The following MAP3K13 variants were observed in gnomAD, a reference collection of about 807,000 sequenced individuals.
The protein encoded by MAP3K13 is leucine zipper-bearing kinase.
In MAP3K13, 52 loss-of-function variants were observed where a neutral mutation model predicts 104.0. The observed-to-expected ratio is 0.50, with a 90% CI of 0.40 to 0.63. MAP3K13 has a LOEUF of 0.63. Ranked by LOEUF, MAP3K13 falls within the 20% of genes least tolerant of loss-of-function variation. MAP3K13 has a pLI of 0.00. For synonymous variants in MAP3K13, 394 were observed against 442.2 expected, an observed-to-expected ratio of 0.89 and a Z score of 1.37; for missense variants, 914 against 1,218.5, an observed-to-expected ratio of 0.75 and a Z score of 3.72.
At chr3:185,454,881 ATGAT>A (rs1345123192) in intron 7 of MAP3K13, among the ~76,000 whole-genome samples, 1 of 58,220 alleles carries the variant, frequency 1.7e-5, no homozygotes, top group Non-Finnish European at 3.7e-5. Context: ...AGATATATAT[ATGAT>A]ATATATATGA....
chr3:185,391,359 AT>A (rs1560080701), intron 1 of MAP3K13, among the ~76,000 whole-genome samples: 1 of 152,232 alleles, frequency 6.6e-6, no homozygotes. Flanking sequence ...TTCACTTAGC[AT>A]AATGTCTTCA....
At chr3:185,298,047 C>T (rs909980477) in intron 2 of MAP3K13, among the ~76,000 whole-genome samples, 1 of 151,340 alleles carries the variant, frequency 6.6e-6, no homozygotes, top group Non-Finnish European at 1.5e-5. Flanking sequence ...GGGAACGTGG[C>T]GACGGACTAC....
chr3:185,293,694 G>T (rs1477484322), intron 2 of MAP3K13, among the ~76,000 whole-genome samples: 1 of 152,112 alleles, frequency 6.6e-6, no homozygotes, highest in Non-Finnish European at 1.5e-5. Context: ...CAAAGTGCTG[G>T]GATTACAGAC....
intron 2 of MAP3K13, among the ~76,000 whole-genome samples, chr3:185,349,300 T>G (rs1723051039): frequency 6.6e-6 from 1 of 152,164 alleles, no homozygotes; most frequent in South Asian, 2.1e-4. Flanking sequence ...TCAATGTCTC[T>G]TATTTCCATC....
intron 3 of MAP3K13, among the ~76,000 whole-genome samples, chr3:185,440,115 C>G (rs1314860427): frequency 6.6e-6 from 1 of 152,160 alleles, no homozygotes; most frequent in Non-Finnish European, 1.5e-5. Flanking sequence ...GATAAGAATG[C>G]TATACTCTTT....
chr3:185,486,201 T>C lies in MAP3K13; in HGVS notation c.*3745T>C, dbSNP rs1718708453. 6.6e-6 allele frequency: 1 copy of C among 152,032 alleles called. No homozygotes were observed. The highest frequency in any genetic ancestry group is 2.1e-4 in the South Asian group (1 of 4,810). 9.4% of individuals were successfully genotyped at this position (152,032 alleles called of 1,614,324 possible). On this transcript the variant is annotated 3_prime_UTR_variant, in exon 14 of 14. Coordinates refer to ENST00000265026, the MANE Select transcript of MAP3K13 (RefSeq NM_004721.5). ...CCTGATACCTCGTAATTTTGATCAGTTTTTTTTGAATTCTCATCTTGATTA... is the reference window on the plus strand; with the variant it reads ...CCTGATACCTCGTAATTTTGATCAGCTTTTTTTGAATTCTCATCTTGATTA...
At chr3:185,467,714 C>T (rs1195934483) in intron 10 of MAP3K13, among the ~76,000 whole-genome samples, 7 of 146,818 alleles carry the variant, frequency 4.8e-5, no homozygotes, top group East Asian at 4.0e-4. Context: ...ACCAGGGAGT[C>T]GGAGGTTGCA....
intron 2 of MAP3K13, among the ~76,000 whole-genome samples, chr3:185,336,320 T>G (rs573273478): frequency 6.6e-6 from 1 of 152,042 alleles, no homozygotes; most frequent in Non-Finnish European, 1.5e-5. Flanking sequence ...GGTGGGCAGA[T>G]AGCTTGAGGT....
chr3:185,295,287 C>T (rs1053780802), intron 2 of MAP3K13, among the ~76,000 whole-genome samples: 11 of 152,146 alleles, frequency 7.2e-5, no homozygotes, highest in African/African-American at 2.2e-4. Context: ...CTCACTGCAA[C>T]CTCCGCCTCC....
intron 1 of MAP3K13, among the ~76,000 whole-genome samples, chr3:185,374,170 G>T (rs1724304951): frequency 6.6e-6 from 1 of 152,050 alleles, no homozygotes; most frequent in Non-Finnish European, 1.5e-5. Context: ...GTTACTTCAG[G>T]CCATCTAGAT....
intron 2 of MAP3K13, among the ~76,000 whole-genome samples, chr3:185,295,127 C>T (rs1720873193): frequency 6.6e-6 from 1 of 152,160 alleles, no homozygotes; most frequent in South Asian, 2.1e-4. Flanking sequence ...GTCTACTAAG[C>T]TCAAGCCATA....
chr3:185,328,376 A>G (rs951814675), intron 2 of MAP3K13, among the ~76,000 whole-genome samples: 4 of 152,156 alleles, frequency 2.6e-5, no homozygotes, highest in African/African-American at 7.2e-5. Flanking sequence ...CAGCCTCCCG[A>G]GTAGCTGGGA....
At chr3:185,411,498 T>C (rs1713444497) in intron 1 of MAP3K13, among the ~76,000 whole-genome samples, 1 of 152,228 alleles carries the variant, frequency 6.6e-6, no homozygotes, top group Non-Finnish European at 1.5e-5. Context: ...TTGAGAGCTA[T>C]GAAATTGACA....
intron 2 of MAP3K13, chr3:185,291,470 TG>T: frequency 3.6e-6 from 3 of 822,400 alleles, no homozygotes. Context: ...TCCTTTTCTT[TG>T]TTTTTGATTT....
At chr3:185,396,751 TGA>T (rs1712448548) in intron 1 of MAP3K13, among the ~76,000 whole-genome samples, 1 of 152,188 alleles carries the variant, frequency 6.6e-6, no homozygotes, top group African/African-American at 2.4e-5. Flanking sequence ...GAGCTGACTG[TGA>T]TCCTCTTCCC....
chr3:185,437,096 T>C (rs1189121947), intron 2 of MAP3K13, among the ~76,000 whole-genome samples: 1 of 141,192 alleles, frequency 7.1e-6, no homozygotes, highest in East Asian at 2.1e-4. Flanking sequence ...ACACCGATAG[T>C]GGGTGATGGG....
At position 185,486,214 on chromosome 3, in the gene MAP3K13, C is replaced by A. The variant is rs1718709008; in HGVS notation, c.*3758C>A. 6.6e-6 allele frequency: 1 copy of A among 152,070 alleles called. No homozygotes were observed. The highest frequency in any genetic ancestry group is 1.5e-5 in the Non-Finnish European group (1 of 68,012). 9.4% of individuals were successfully genotyped at this position (152,070 alleles called of 1,614,324 possible). On this transcript the variant is annotated 3_prime_UTR_variant, in exon 14 of 14. Coordinates refer to ENST00000265026, the MANE Select transcript of MAP3K13 (RefSeq NM_004721.5). Reference sequence around the variant, plus strand: ...AATTTTGATCAGTTTTTTTTGAATTCTCATCTTGATTATCTGTTATGCTAT... The same window carrying A: ...AATTTTGATCAGTTTTTTTTGAATTATCATCTTGATTATCTGTTATGCTAT...
intron 7 of MAP3K13, among the ~76,000 whole-genome samples, chr3:185,460,601 C>A (rs1717043200): frequency 6.6e-6 from 1 of 152,170 alleles, no homozygotes; most frequent in Admixed American, 6.5e-5. Flanking sequence ...GGCTGAATTG[C>A]AGATTAAGCT....
chr3:185,451,410 T>G lies in MAP3K13; in HGVS notation c.1278+15T>G, dbSNP rs1322209627. The G allele has an allele frequency of 1.9e-6, 3 of 1,563,780 alleles. No homozygotes were observed. Among genetic ancestry groups the G allele is most frequent in the Non-Finnish European group, 2.6e-6 (3 of 1,134,112 alleles). ...TCAAGTCTCAGGTAAGTTGGGAAAC[T>G]TCCTACCAGGTGCTACTAAACAGAT... On this transcript the variant is annotated intron_variant, in intron 7 of 13. Coordinates refer to ENST00000265026, the MANE Select transcript of MAP3K13 (RefSeq NM_004721.5).
Sources: gnomAD v4.1 joint callset for allele counts (sites outside exome capture counted in the v4.1 genomes callset) on GRCh38, gnomAD v4.1.1 for gene constraint, MANE v1.5 for transcripts, NCBI Gene and HGNC (gene_info 2026-07-23, HGNC 2026-07-21) for gene names.